ANOS1: variants seen among roughly 807,000 people sequenced by gnomAD.
ANOS1 encodes anosmin-1.
In ANOS1, 6 loss-of-function variants were observed where a neutral mutation model predicts 59.0. That is an observed-to-expected ratio of 0.10 (90% CI 0.06 to 0.20). ANOS1 has a LOEUF of 0.20. ANOS1 is among the 10% of genes least tolerant of loss of function. The pLI is 1.00. For missense variants in ANOS1, 433 were observed against 542.3 expected (o/e 0.80, Z 2.00); for synonymous variants, 217 against 223.4 (o/e 0.97, Z 0.25).
chrX:8,664,530 T>C (rs1386126698), intron 2 of ANOS1, among the ~76,000 whole-genome samples: 1 of 110,221 alleles, frequency 9.1e-6, no homozygotes, highest in Non-Finnish European at 1.9e-5. Flanking sequence ...TTGTAGCCTC[T>C]GGAACAGCAA....
chrX:8,645,179 T>C (rs905768043), intron 2 of ANOS1, among the ~76,000 whole-genome samples: 1 of 112,540 alleles, frequency 8.9e-6, no homozygotes, highest in Non-Finnish European at 1.9e-5. Flanking sequence ...TGCCCCTCAA[T>C]AGGCAGCTCA....
At chrX:8,623,997 T>C (rs1931343791) in intron 2 of ANOS1, among the ~76,000 whole-genome samples, 1 of 89,512 alleles carries the variant, frequency 1.1e-5, no homozygotes, top group South Asian at 5.8e-4. Context: ...GTAAGAAATA[T>C]TTTCTTTTCT....
intron 4 of ANOS1, among the ~76,000 whole-genome samples, chrX:8,590,336 T>C (rs1415323570): frequency 9.1e-6 from 1 of 109,619 alleles, no homozygotes; most frequent in Non-Finnish European, 1.9e-5. Flanking sequence ...ATGGCCTGTT[T>C]ATGGTTTTTT....
chrX:8,574,789 CATCTT>C (rs1333560982), intron 6 of ANOS1, among the ~76,000 whole-genome samples: 1 of 111,409 alleles, frequency 9.0e-6, no homozygotes, highest in Non-Finnish European at 1.9e-5. Flanking sequence ...TGTGGGAACT[CATCTT>C]GGGATTGTGT....
At chrX:8,568,554 C>A (rs1930162018) in intron 7 of ANOS1, among the ~76,000 whole-genome samples, 178 bp from the exon 8 acceptor site, 1 of 111,037 alleles carries the variant, frequency 9.0e-6, no homozygotes, top group Admixed American at 9.6e-5. Flanking sequence ...AAACTTCAGG[C>A]CAGGTGCGGT....
At chrX:8,544,114 C>T (rs1257059949) in intron 9 of ANOS1, among the ~76,000 whole-genome samples, 1 of 109,827 alleles carries the variant, frequency 9.1e-6, no homozygotes, top group Admixed American at 9.7e-5. Flanking sequence ...CTCACAGTGT[C>T]TGGCATAAAC....
rs1931156954 is a variant in ANOS1, at chrX:8,615,553, AAAAAAAG to A, written c.318+8048_318+8054del. Reference sequence around the variant, plus strand: ...GCAAGACCCTGTCTCAAAAAAAAAAAAAAAAAGAAAAGAAAAGAAAAGAAAATTGTCT... The same window carrying A: ...GCAAGACCCTGTCTCAAAAAAAAAAAAAAAGAAAAGAAAAGAAAATTGTCT... On this transcript the variant is annotated intron_variant, in intron 3 of 13. Transcript: ENST00000262648. 6.0e-5 allele frequency among the ~76,000 whole-genome samples: 6 copies of A among 99,412 alleles called. No individual in the cohort carries two copies. The Admixed American group carries it at 6.6e-4, about 11-fold the overall frequency. The allele number at this position is 99,412 out of a possible 115,157, so 86.3% of individuals were successfully genotyped here. A position where few individuals can be genotyped will look rare whatever the true frequency, so the allele number is the denominator to read the frequency against.
chrX:8,595,689 CAT>C (rs1266249692), intron 4 of ANOS1, among the ~76,000 whole-genome samples: 6 of 111,456 alleles, frequency 5.4e-5, no homozygotes, highest in Admixed American at 4.8e-4. Context: ...ATGTGAAAGA[CAT>C]AGAGAGAGAA....
chrX:8,531,802 A>G lies in ANOS1; in HGVS notation c.*1193T>C, dbSNP rs1245633092. ...CCATGTATGTGAGTATTCCTTCAAGAAAAAAAACAGTATTAAATTAAACTT... is the reference window on the plus strand; with the variant it reads ...CCATGTATGTGAGTATTCCTTCAAGGAAAAAAACAGTATTAAATTAAACTT... On this transcript the variant is annotated 3_prime_UTR_variant, in exon 14 of 14. Coordinates refer to ENST00000262648, the MANE Select transcript of ANOS1 (RefSeq NM_000216.4). 9.0e-6 allele frequency: 1 copy of G among 111,144 alleles called. No homozygotes were observed. Among genetic ancestry groups the G allele is most frequent in the African/African-American group, 3.3e-5 (1 of 30,625 alleles). 9.2% of individuals were successfully genotyped at this position (111,144 alleles called of 1,213,427 possible). A position where few individuals can be genotyped will look rare whatever the true frequency, so the allele number is the denominator to read the frequency against.
At chrX:8,566,050 ACT>A in intron 8 of ANOS1, 28 of 753,846 alleles carry the variant, frequency 3.7e-5, no homozygotes, top group Non-Finnish European at 4.2e-5. Flanking sequence ...CGCTTCTCTA[ACT>A]CTCTACACTC....
intron 1 of ANOS1, among the ~76,000 whole-genome samples, chrX:8,703,437 C>T (rs1932766453): frequency 8.9e-6 from 1 of 111,888 alleles, no homozygotes; most frequent in African/African-American, 3.3e-5. Context: ...AGAAATGTGC[C>T]TTGATGTTTT....
At chrX:8,553,249 T>C (rs1475075442) in intron 9 of ANOS1, among the ~76,000 whole-genome samples, 1 of 111,132 alleles carries the variant, frequency 9.0e-6, no homozygotes, top group Non-Finnish European at 1.9e-5. Flanking sequence ...AAGATAAATG[T>C]TCAAACAAAT....
chrX:8,610,040 A>C (rs1931025133), intron 3 of ANOS1, among the ~76,000 whole-genome samples: 1 of 45,998 alleles, frequency 2.2e-5, no homozygotes, highest in African/African-American at 8.5e-5. Context: ...AAAAAACAAC[A>C]ACCTTTAAAG....
intron 2 of ANOS1, among the ~76,000 whole-genome samples, chrX:8,629,954 A>G (rs1931460410): frequency 8.9e-6 from 1 of 112,569 alleles, no homozygotes; most frequent in South Asian, 3.7e-4. Flanking sequence ...AATTAGCAAC[A>G]AATTAGCTAA....
At chrX:8,625,997 A>G (rs1931384017) in intron 2 of ANOS1, among the ~76,000 whole-genome samples, 1 of 106,434 alleles carries the variant, frequency 9.4e-6, no homozygotes, top group Non-Finnish European at 1.9e-5. Context: ...CTGTAGTCCC[A>G]GCTACTTGGG....
At chrX:8,654,958 T>A (rs1482352599) in intron 2 of ANOS1, among the ~76,000 whole-genome samples, 2 of 112,213 alleles carry the variant, frequency 1.8e-5, no homozygotes, top group Non-Finnish European at 3.8e-5. Flanking sequence ...ATTGCCAGAT[T>A]ATCTATGGCT....
chrX:8,668,430 T>TATATATATACAC (rs1394731479), intron 2 of ANOS1, among the ~76,000 whole-genome samples: 33 of 80,216 alleles, frequency 4.1e-4, no homozygotes, highest in African/African-American at 1.1e-3. Flanking sequence ...TATATATATA[T>TATATATATACAC]ACACACACAT....
At chrX:8,714,598 A>G (rs1180763337) in intron 1 of ANOS1, among the ~76,000 whole-genome samples, 1 of 111,747 alleles carries the variant, frequency 8.9e-6, no homozygotes, top group African/African-American at 3.3e-5. Context: ...ATTTTGGAAT[A>G]TGCCTGGTAA....
intron 2 of ANOS1, among the ~76,000 whole-genome samples, chrX:8,692,233 T>C (rs1486450215): frequency 2.7e-5 from 3 of 111,821 alleles, no homozygotes; most frequent in Non-Finnish European, 5.6e-5. Context: ...GAAATTTTAC[T>C]ATCTACAAAA....
Sources: gnomAD v4.1 joint callset for allele counts (sites outside exome capture counted in the v4.1 genomes callset) on GRCh38, gnomAD v4.1.1 for gene constraint, MANE v1.5 for transcripts, NCBI Gene and HGNC (gene_info 2026-07-23, HGNC 2026-07-21) for gene names.